The following JARID2 variants were observed in gnomAD, a reference collection of about 807,000 sequenced individuals.
JARID2 encodes protein Jumonji.
In JARID2, 21 loss-of-function variants were observed where a neutral mutation model predicts 125.6. The observed-to-expected ratio is 0.17, with a 90% CI of 0.12 to 0.24. The LOEUF (loss-of-function observed/expected upper bound fraction) is 0.24. Ranked by LOEUF, JARID2 falls within the 10% of genes least tolerant of loss-of-function variation. JARID2 has a pLI of 1.00. For synonymous variants in JARID2, 736 were observed against 661.6 expected (o/e 1.11, Z -1.73); for missense variants, 1,303 against 1,639.6 (o/e 0.79, Z 3.55).
intron 4 of JARID2, among the ~76,000 whole-genome samples, chr6:15,462,165 T>C (rs1281940955): frequency 1.3e-5 from 2 of 152,162 alleles, no homozygotes; most frequent in African/African-American, 2.4e-5. Flanking sequence ...ATTTAAGACA[T>C]GAATGCAAGT....
At chr6:15,337,581 C>G (rs1460197725) in intron 1 of JARID2, among the ~76,000 whole-genome samples, 1 of 152,178 alleles carries the variant, frequency 6.6e-6, no homozygotes, top group East Asian at 1.9e-4. Flanking sequence ...AACCCCTGCC[C>G]GAGGAATTCA....
intron 2 of JARID2, among the ~76,000 whole-genome samples, chr6:15,396,046 C>T (rs556246908): frequency 5.3e-5 from 8 of 152,256 alleles, no homozygotes; most frequent in Non-Finnish European, 1.0e-4. Context: ...TTCAATTTTA[C>T]TTTATACTAT....
intron 12 of JARID2, among the ~76,000 whole-genome samples, chr6:15,510,425 A>G (rs1771219520): frequency 1.3e-5 from 2 of 152,312 alleles, no homozygotes; most frequent in South Asian, 2.1e-4. Context: ...GGTGGGCTCC[A>G]AGGACATGGG....
At chr6:15,421,869 C>T (rs1037660863) in intron 3 of JARID2, among the ~76,000 whole-genome samples, 3 of 152,136 alleles carry the variant, frequency 2.0e-5, no homozygotes, top group Non-Finnish European at 4.4e-5. Flanking sequence ...TGGGGTCTGG[C>T]CTGGTCCACA....
intron 1 of JARID2, among the ~76,000 whole-genome samples, chr6:15,295,652 T>C (rs1269447134): frequency 6.6e-6 from 1 of 152,120 alleles, no homozygotes; most frequent in Non-Finnish European, 1.5e-5. Context: ...CCTTTGCCAC[T>C]TAGGGTTATT....
chr6:15,287,861 A>G (rs1225615007), intron 1 of JARID2, among the ~76,000 whole-genome samples: 1 of 152,186 alleles, frequency 6.6e-6, no homozygotes, highest in African/African-American at 2.4e-5. Context: ...ATTGTATAAT[A>G]CCCACTTCCC....
Position 15,487,346 on chromosome 6 carries a change from C to G in JARID2, c.710C>G (p.Pro237Arg), listed in dbSNP as rs1323533165. The G allele has an allele frequency of 5.0e-6, 8 of 1,614,188 alleles. No homozygotes were observed. The highest frequency in any genetic ancestry group is 6.8e-6 in the Non-Finnish European group (8 of 1,180,024). ...GSSRSTREKEPVQKHKSKEAT... is the reference protein window; with the variant it reads ...GSSRSTREKERVQKHKSKEAT... ...AGCAGGTCAACACGGGAGAAGGAAC[C>G]TGTTCAAAAACACAAAAGCAAAGAG... Residue 237 changes from proline (P) to arginine (R), a missense_variant, in exon 6 of 18, where the codon CCT (proline) becomes CGT (arginine). Physicochemically the swap from Pro to Arg is moderately radical, Grantham distance 103. Transcript: ENST00000341776.
chr6:15,383,736 C>T (rs933651521), intron 2 of JARID2, among the ~76,000 whole-genome samples: 1 of 152,146 alleles, frequency 6.6e-6, no homozygotes, highest in African/African-American at 2.4e-5. Flanking sequence ...CATTTAGCAG[C>T]ATTTACCGTG....
chr6:15,468,548 C>T lies in JARID2; in HGVS notation c.500C>T (p.Pro167Leu). 1 of 1,612,638 alleles carries T rather than the reference C, an allele frequency of 6.2e-7. No individual in the cohort carries two copies. The highest frequency in any genetic ancestry group is 8.5e-7 in the Non-Finnish European group (1 of 1,179,280). The change falls in exon 5 of 18, where the codon CCT becomes CTT. Residue 167 changes from proline (P) to leucine (L), a missense_variant. Pro to Leu is a moderately conservative substitution (Grantham distance 98). Coordinates refer to ENST00000341776, the MANE Select transcript of JARID2 (RefSeq NM_004973.4). ...GTTTTTCTTATTCCACCAGGTTCTC[C>T]TGCGCTGCCCAACAGCATGGTGTAT... is the stretch of plus-strand genomic sequence containing the variant. ...FLTFLCLRGS[P>L]ALPNSMVYFG...
At chr6:15,332,849 T>A (rs887171533) in intron 1 of JARID2, among the ~76,000 whole-genome samples, 1 of 152,106 alleles carries the variant, frequency 6.6e-6, no homozygotes, top group African/African-American at 2.4e-5. Flanking sequence ...TCTTCCCGTA[T>A]TCTTCTGTTA....
chr6:15,351,601 C>A (rs1380151961), intron 1 of JARID2, among the ~76,000 whole-genome samples: 1 of 152,170 alleles, frequency 6.6e-6, no homozygotes, highest in Non-Finnish European at 1.5e-5. Context: ...ATTTATATCA[C>A]ACAAGGCTAC....
intron 1 of JARID2, among the ~76,000 whole-genome samples, chr6:15,266,434 C>T (rs1485033228): frequency 6.6e-6 from 1 of 152,194 alleles, no homozygotes; most frequent in African/African-American, 2.4e-5. Flanking sequence ...AGGAAAATAG[C>T]AAACCGTGAG....
chr6:15,400,719 T>C (rs1427305161), intron 2 of JARID2: 1 of 802,424 alleles, frequency 1.2e-6, no homozygotes, highest in Non-Finnish European at 1.5e-6. Context: ...TGGTGTTCGA[T>C]TCCCTCCCTT....
At position 15,496,203 on chromosome 6, in the gene JARID2, C is replaced by T. The variant is rs150501163; in HGVS notation, c.978C>T (p.Arg326=). ...GAGVTSAKKM[R]EVRPSPSKTV... ...GTGTAACCAGTGCCAAAAAGATGCG[C>T]GAGGTCAGACCTTCACCATCCAAAA... Residue 326 remains arginine (R), a synonymous_variant, in exon 7 of 18, where the codon CGC becomes CGT. Coordinates refer to ENST00000341776, the MANE Select transcript of JARID2 (RefSeq NM_004973.4). The T allele has an allele frequency of 4.1e-4, 655 of 1,613,978 alleles. 1 individual carries two copies. Among genetic ancestry groups the T allele is most frequent in the Non-Finnish European group, 5.1e-4 (607 of 1,180,034 alleles).
chr6:15,332,859 A>C (rs1305427640), intron 1 of JARID2, among the ~76,000 whole-genome samples: 1 of 148,948 alleles, frequency 6.7e-6, no homozygotes, highest in Non-Finnish European at 1.5e-5. Flanking sequence ...TTCTTCTGTT[A>C]TTTTTAAAAG....
intron 6 of JARID2, among the ~76,000 whole-genome samples, chr6:15,489,800 C>G (rs541918562): frequency 6.6e-6 from 1 of 152,182 alleles, no homozygotes; most frequent in Non-Finnish European, 1.5e-5. Flanking sequence ...GCAGGGAGCG[C>G]CATGTGCTCA....
Position 15,437,641 on chromosome 6 carries a change from GA to G in JARID2, c.324-14355del, listed in dbSNP as rs908871141. 3.5e-3 allele frequency among the ~76,000 whole-genome samples: 523 copies of G among 147,674 alleles called. 3 individuals carry two copies. Among genetic ancestry groups the G allele is most frequent in the East Asian group, 6.6e-3 (34 of 5,114 alleles). ...GGATGAAAGACAGATTAGCAACAGG[GA>G]AAAAAAAAACAGATTTAGTTGAGTT... On this transcript the variant is annotated intron_variant, in intron 3 of 17. Coordinates refer to ENST00000341776, the MANE Select transcript of JARID2 (RefSeq NM_004973.4).
chr6:15,396,165 G>A (rs1244413773), intron 2 of JARID2, among the ~76,000 whole-genome samples: 1 of 152,152 alleles, frequency 6.6e-6, no homozygotes, highest in Non-Finnish European at 1.5e-5. Flanking sequence ...CTTCAAATAT[G>A]TTAAGTACAT....
intron 1 of JARID2, among the ~76,000 whole-genome samples, chr6:15,269,639 A>G (rs1760222542): frequency 6.8e-6 from 1 of 147,644 alleles, no homozygotes; most frequent in African/African-American, 2.5e-5. Context: ...ATGAACTCCT[A>G]GCCTCAATCA....
Sources: allele counts gnomAD v4.1 joint callset (sites outside exome capture counted in the v4.1 genomes callset), GRCh38; gene constraint gnomAD v4.1.1; transcripts MANE v1.5; gene names NCBI Gene and HGNC (gene_info 2026-07-23, HGNC 2026-07-21).